The following NAALADL2 variants were observed in gnomAD, a reference collection of about 807,000 sequenced individuals.
The protein encoded by NAALADL2 is inactive N-acetylated-alpha-linked acidic dipeptidase-like protein 2.
A neutral mutation model predicts 87.2 loss-of-function variants in NAALADL2; 76 were observed. The ratio of observed to expected loss-of-function variants is 0.87; its 90% confidence interval spans 0.72 to 1.05. The LOEUF (loss-of-function observed/expected upper bound fraction) is 1.05. NAALADL2 is among the 50% of genes least tolerant of loss of function. NAALADL2 has a pLI of 0.00. For synonymous variants in NAALADL2, 354 were observed against 331.0 expected (o/e 1.07, Z -0.75); for missense variants, 1,089 against 945.8 (o/e 1.15, Z -1.99).
intron 11 of NAALADL2, 34 bp from the exon 12 acceptor site, chr3:175,737,272 A>G (rs1262829381): frequency 8.3e-7 from 1 of 1,209,480 alleles, no homozygotes. Flanking sequence ...TAATTACTGA[A>G]TGCTAGTATT....
At chr3:175,651,801 T>G (rs2149789528) in intron 11 of NAALADL2, among the ~76,000 whole-genome samples, 1 of 152,334 alleles carries the variant, frequency 6.6e-6, no homozygotes, top group South Asian at 2.1e-4. Flanking sequence ...TATCAAATAT[T>G]AAATATGAAG....
chr3:175,324,052 A>C, intron 4 of NAALADL2, 123 bp from the exon 5 acceptor site: 1 of 754,342 alleles, frequency 1.3e-6, no homozygotes. Context: ...AAGAAAAAGA[A>C]AAAGAAAAAG....
chr3:174,463,027 G>A (rs1716303998), intron 1 of NAALADL2, among the ~76,000 whole-genome samples: 1 of 152,170 alleles, frequency 6.6e-6, no homozygotes, highest in Admixed American at 6.5e-5. Context: ...TAATTGCATA[G>A]CCTCTGATAA....
chr3:175,651,232 A>G (rs983824875), intron 11 of NAALADL2, among the ~76,000 whole-genome samples: 7 of 152,206 alleles, frequency 4.6e-5, no homozygotes, highest in African/African-American at 1.7e-4. Flanking sequence ...GTAACAAATT[A>G]TAGTGACATA....
At chr3:175,608,019 C>A (rs180903331) in intron 10 of NAALADL2, among the ~76,000 whole-genome samples, 54 of 151,516 alleles carry the variant, frequency 3.6e-4, no homozygotes, top group African/African-American at 1.3e-3. Flanking sequence ...GATTTTTGCC[C>A]GAGGTCACTA....
intron 2 of NAALADL2, among the ~76,000 whole-genome samples, chr3:174,563,079 T>A (rs1429496036): frequency 6.6e-6 from 1 of 152,026 alleles, no homozygotes; most frequent in Non-Finnish European, 1.5e-5. Context: ...TATATTGTTT[T>A]GGCTGAAATG....
chr3:175,699,829 T>C (rs913296908), intron 11 of NAALADL2, among the ~76,000 whole-genome samples: 4 of 152,074 alleles, frequency 2.6e-5, no homozygotes, highest in African/African-American at 9.7e-5. Context: ...TCTTAAATAA[T>C]TGATAAATGC....
chr3:175,534,066 A>C (rs1196776864), intron 9 of NAALADL2, among the ~76,000 whole-genome samples: 1 of 150,966 alleles, frequency 6.6e-6, no homozygotes, highest in East Asian at 1.9e-4. Flanking sequence ...TATAATAAAT[A>C]AATTATTTAT....
chr3:174,991,290 T>A (rs1346473583), intron 1 of NAALADL2, among the ~76,000 whole-genome samples: 1 of 152,132 alleles, frequency 6.6e-6, no homozygotes. Flanking sequence ...GGAGCTTACA[T>A]TCTAGTAATA....
chr3:175,245,022 A>G (rs1747708946), intron 3 of NAALADL2, among the ~76,000 whole-genome samples: 1 of 152,200 alleles, frequency 6.6e-6, no homozygotes, highest in African/African-American at 2.4e-5. Context: ...ATATTGCCAG[A>G]AAATGAAATA....
intron 10 of NAALADL2, among the ~76,000 whole-genome samples, chr3:175,617,468 C>T (rs1346799831): frequency 1.3e-5 from 2 of 152,192 alleles, no homozygotes; most frequent in Non-Finnish European, 2.9e-5. Context: ...CTTCCTCATG[C>T]TGCCTGGGCA....
At chr3:175,140,499 GT>G in intron 2 of NAALADL2, among the ~76,000 whole-genome samples, 1 of 152,232 alleles carries the variant, frequency 6.6e-6, no homozygotes, top group Admixed American at 6.5e-5. Flanking sequence ...AAGGGTCAAG[GT>G]TAGTTATCTC....
intron 2 of NAALADL2, among the ~76,000 whole-genome samples, chr3:174,733,369 A>G (rs1289272813): frequency 2.0e-5 from 3 of 152,232 alleles, no homozygotes; most frequent in Non-Finnish European, 2.9e-5. Flanking sequence ...AGGAAAAGCA[A>G]GGATCAGTCA....
chr3:175,461,474 C>T (rs1723120724), intron 6 of NAALADL2, among the ~76,000 whole-genome samples: 1 of 152,268 alleles, frequency 6.6e-6, no homozygotes, highest in Non-Finnish European at 1.5e-5. Context: ...CTCTCAATCC[C>T]CCCTCTAATC....
intron 11 of NAALADL2, chr3:175,676,496 C>T (rs1734804635): frequency 6.6e-6 from 1 of 152,262 alleles, no homozygotes; most frequent in Admixed American, 6.5e-5. Context: ...TTGCAAATTA[C>T]ATCCATGATA....
chr3:175,447,215 T>A lies in NAALADL2; in HGVS notation c.1091-14T>A. 6.4e-7 allele frequency: 1 copy of A among 1,551,808 alleles called. No individual in the cohort carries two copies. On this transcript the variant is annotated splice_polypyrimidine_tract_variant and intron_variant, in intron 5 of 13. Coordinates refer to ENST00000454872, the MANE Select transcript of NAALADL2 (RefSeq NM_207015.3). Reference sequence around the variant, plus strand: ...GTTTACTAAGGATTATCTTCCTTTGTCTTTTGAATACAGATGAAAGTTTTA... The same window carrying A: ...GTTTACTAAGGATTATCTTCCTTTGACTTTTGAATACAGATGAAAGTTTTA...
chr3:174,560,736 T>G (rs1713500461), intron 2 of NAALADL2, among the ~76,000 whole-genome samples: 1 of 152,294 alleles, frequency 6.6e-6, no homozygotes, highest in South Asian at 2.1e-4. Context: ...TGTGCCTTTT[T>G]TCTAGCAATT....
intron 12 of NAALADL2, among the ~76,000 whole-genome samples, chr3:175,738,879 A>G (rs1312676541): frequency 6.6e-6 from 1 of 152,196 alleles, no homozygotes; most frequent in African/African-American, 2.4e-5. Flanking sequence ...GGTATAAATA[A>G]AGGTCTAAAT....
chr3:174,805,423 T>C (rs1268953037), intron 3 of NAALADL2, among the ~76,000 whole-genome samples: 1 of 152,168 alleles, frequency 6.6e-6, no homozygotes, highest in Non-Finnish European at 1.5e-5. Context: ...CATCGAAATA[T>C]GAATTTCTGG....
Sources: allele counts gnomAD v4.1 joint callset (sites outside exome capture counted in the v4.1 genomes callset), GRCh38; gene constraint gnomAD v4.1.1; transcripts MANE v1.5; gene names NCBI Gene and HGNC (gene_info 2026-07-23, HGNC 2026-07-21).